USH2A: variants seen among roughly 807,000 people sequenced by gnomAD.
The protein encoded by USH2A is usherin, also known as Usher syndrome 2A (autosomal recessive, mild).
Under a neutral mutation model 538.9 loss-of-function variants are expected in USH2A, and 443 were observed. That is an observed-to-expected ratio of 0.82 (90% CI 0.76 to 0.89). USH2A has a LOEUF of 0.89. Ranked by LOEUF, USH2A falls within the 40% of genes least tolerant of loss-of-function variation. USH2A has a pLI of 0.00. For synonymous variants in USH2A, 2,413 were observed against 2,273.5 expected (o/e 1.06, Z -1.75); for missense variants, 6,633 against 6,324.8 (o/e 1.05, Z -1.65).
chr1:216,414,224 T>A (rs2039539781), intron 3 of USH2A, among the ~76,000 whole-genome samples: 1 of 152,048 alleles, frequency 6.6e-6, no homozygotes, highest in Admixed American at 6.6e-5. Context: ...CACAATGAAT[T>A]TTAGCTTGAT....
chr1:216,347,902 A>C, intron 4 of USH2A, among the ~76,000 whole-genome samples: 1 of 152,142 alleles, frequency 6.6e-6, no homozygotes, highest in East Asian at 1.9e-4. Context: ...AGAGAGGATA[A>C]AACTTTCAGT....
chr1:216,423,381 T>C lies in USH2A; in HGVS notation c.-372A>G, dbSNP rs2039712124. 6.6e-6 allele frequency: 1 copy of C among 152,150 alleles called. No homozygotes were observed. The highest frequency in any genetic ancestry group is 2.4e-5 in the African/African-American group (1 of 41,446). The allele number at this position is 152,150 out of a possible 1,614,324, so 9.4% of individuals were successfully genotyped here. On this transcript the variant is annotated 5_prime_UTR_variant, in exon 1 of 72. Transcript: ENST00000307340. Reference sequence around the variant, plus strand: ...AAGACTTGGGTGCCCAGGTAAAGTATTCTGCAGAGCAAACACTTGGTTACC... The same window carrying C: ...AAGACTTGGGTGCCCAGGTAAAGTACTCTGCAGAGCAAACACTTGGTTACC...
At chr1:216,012,860 A>G (rs1668609441) in intron 32 of USH2A, among the ~76,000 whole-genome samples, 1 of 152,108 alleles carries the variant, frequency 6.6e-6, no homozygotes, top group African/African-American at 2.4e-5. Flanking sequence ...TCCAGACACC[A>G]GACCAACTTA....
intron 4 of USH2A, among the ~76,000 whole-genome samples, chr1:216,350,738 C>A (rs1270252919): frequency 6.6e-6 from 1 of 152,154 alleles, no homozygotes; most frequent in Non-Finnish European, 1.5e-5. Context: ...GCACTGAGTG[C>A]CTGCAGTTTT....
intron 61 of USH2A, among the ~76,000 whole-genome samples, chr1:215,698,092 T>C (rs76296061): frequency 0.62 from 93,956 of 151,868 alleles, 29,697 homozygotes; most frequent in Middle Eastern, 0.72. Context: ...GTTTTCTGTT[T>C]CTGTGTTAGT....
At chr1:215,701,957 G>A (rs1263160750) in intron 61 of USH2A, among the ~76,000 whole-genome samples, 1 of 152,192 alleles carries the variant, frequency 6.6e-6, no homozygotes, top group Non-Finnish European at 1.5e-5. Context: ...GCTGGTAGAA[G>A]TTTTTCCTTT....
chr1:215,936,059 A>G (rs925711518), intron 37 of USH2A, among the ~76,000 whole-genome samples: 2 of 151,970 alleles, frequency 1.3e-5, no homozygotes, highest in Admixed American at 6.6e-5. Context: ...AAGAGCACCA[A>G]TATTTACTTC....
At chr1:215,758,850 G>A in intron 57 of USH2A, 98 bp from the exon 58 acceptor site, 1 of 1,345,380 alleles carries the variant, frequency 7.4e-7, no homozygotes, top group Non-Finnish European at 1.0e-6. Context: ...TCCTAAATTT[G>A]TGACAAATTG....
At chr1:216,355,375 G>GAAAGAAAGAAAGAAAGAAAGAA (rs748251919) in intron 4 of USH2A, among the ~76,000 whole-genome samples, 9 of 133,942 alleles carry the variant, frequency 6.7e-5, no homozygotes, top group Non-Finnish European at 1.3e-4. Flanking sequence ...AAGAAAGAAA[G>GAAAGAAAGAAAGAAAGAAAGAA]AAGGAAAGAA....
chr1:215,727,016 C>T (rs1232783949), intron 61 of USH2A, among the ~76,000 whole-genome samples: 2 of 152,094 alleles, frequency 1.3e-5, no homozygotes, highest in African/African-American at 4.8e-5. Flanking sequence ...ATTCCATAGA[C>T]CATGAGGTTA....
intron 61 of USH2A, among the ~76,000 whole-genome samples, chr1:215,715,090 T>C (rs1659446960): frequency 6.6e-6 from 1 of 152,180 alleles, no homozygotes; most frequent in Admixed American, 6.5e-5. Context: ...ACCCATCACC[T>C]AGGTATTAAG....
At chr1:216,387,560 A>G (rs2039028451) in intron 3 of USH2A, among the ~76,000 whole-genome samples, 1 of 152,222 alleles carries the variant, frequency 6.6e-6, no homozygotes, top group Non-Finnish European at 1.5e-5. Context: ...TTTGGGATAT[A>G]GACTTTGCTT....
intron 43 of USH2A, among the ~76,000 whole-genome samples, chr1:215,876,763 C>T (rs1664784885): frequency 6.6e-6 from 1 of 152,076 alleles, no homozygotes; most frequent in Admixed American, 6.5e-5. Context: ...TAAGACGTGG[C>T]AGATGATCTA....
intron 61 of USH2A, among the ~76,000 whole-genome samples, chr1:215,695,214 C>T (rs1479363784): frequency 6.6e-6 from 1 of 152,216 alleles, no homozygotes; most frequent in Non-Finnish European, 1.5e-5. Context: ...GCAGCATGCT[C>T]TTCCCCTATC....
intron 35 of USH2A, among the ~76,000 whole-genome samples, chr1:215,989,262 C>A (rs1667950039): frequency 6.6e-6 from 1 of 152,084 alleles, no homozygotes; most frequent in African/African-American, 2.4e-5. Flanking sequence ...CCTGAGTGTG[C>A]AAAACCAGGC....
intron 60 of USH2A, among the ~76,000 whole-genome samples, chr1:215,730,015 T>G (rs536982692): frequency 6.6e-6 from 1 of 152,322 alleles, no homozygotes; most frequent in East Asian, 1.9e-4. Context: ...CCAAAATTCT[T>G]TCAACTGTCT....
At chr1:216,015,905 G>A (rs1001455709) in intron 32 of USH2A, among the ~76,000 whole-genome samples, 4 of 152,094 alleles carry the variant, frequency 2.6e-5, no homozygotes, top group African/African-American at 9.7e-5. Context: ...TATGTTTATT[G>A]CCGCACTATT....
chr1:215,963,627 T>G (rs1227334740), intron 37 of USH2A, among the ~76,000 whole-genome samples: 4 of 152,086 alleles, frequency 2.6e-5, no homozygotes, highest in Admixed American at 2.0e-4. Flanking sequence ...AATGGCTGGT[T>G]TTCGTTGCTG....
intron 21 of USH2A, among the ~76,000 whole-genome samples, chr1:216,155,337 G>C (rs1033778845): frequency 6.6e-6 from 1 of 152,102 alleles, no homozygotes; most frequent in Admixed American, 6.5e-5. Flanking sequence ...ATTGCTTACT[G>C]TTCAGGAATA....
Sources: allele counts gnomAD v4.1 joint callset (sites outside exome capture counted in the v4.1 genomes callset), GRCh38; gene constraint gnomAD v4.1.1; transcripts MANE v1.5; gene names NCBI Gene and HGNC (gene_info 2026-07-23, HGNC 2026-07-21).